CANX: variants seen among roughly 807,000 people sequenced by gnomAD.
CANX encodes the protein calnexin, also known as epididymis secretory sperm binding protein.
A neutral mutation model predicts 75.7 loss-of-function variants in CANX; 14 were observed. That is an observed-to-expected ratio of 0.19 (90% confidence interval 0.12 to 0.29). The LOEUF (loss-of-function observed/expected upper bound fraction) is 0.29, where lower values mean the gene tolerates loss of function less well. Ranked by LOEUF, CANX falls within the 10% of genes least tolerant of loss-of-function variation. CANX has a pLI of 1.00. For synonymous variants in CANX, 227 were observed against 236.9 expected (o/e 0.96, Z 0.38); for missense variants, 567 against 713.2 (o/e 0.79, Z 2.34).
chr5:179,714,868 G>A (rs1186579234), intron 7 of CANX, among the ~76,000 whole-genome samples: 2 of 151,682 alleles, frequency 1.3e-5, no homozygotes, highest in Non-Finnish European at 1.5e-5. Flanking sequence ...AGGTTCAAGC[G>A]ATTCTTGTGC....
chr5:179,698,856 C>G (rs372071727), upstream of CANX: 10 of 1,037,314 alleles, frequency 9.6e-6, no homozygotes, highest in East Asian at 1.5e-4. Flanking sequence ...GCCGGCCAAC[C>G]GGATGTCGGG....
At chr5:179,679,357 C>A in intron 1 of CANX, 1 of 1,105,404 alleles carries the variant, frequency 9.0e-7, no homozygotes, top group Non-Finnish European at 1.3e-6. Context: ...CCTGCAGCTA[C>A]GGCTGCGGCT....
chr5:179,707,330 A>G, intron 4 of CANX, 140 bp downstream of exon 4: 1 of 602,192 alleles, frequency 1.7e-6, no homozygotes, highest in Non-Finnish European at 3.0e-6. Context: ...CACGCCTGTA[A>G]TCCCAGCACT....
chr5:179,698,707 C>T (rs1776507893), upstream of CANX: 2 of 857,968 alleles, frequency 2.3e-6, no homozygotes, highest in African/African-American at 1.7e-5. Context: ...GCGCGCCCGG[C>T]GGTCTCGATC....
Position 179,731,378 on chromosome 5 carries a change from A to C in CANX, c.*2734A>C, listed in dbSNP as rs1581915416. 6.6e-6 allele frequency among the ~76,000 whole-genome samples: 1 copy of C among 152,118 alleles called. No individual in the cohort carries two copies. The highest frequency in any genetic ancestry group is 1.9e-4 in the East Asian group (1 of 5,202). On this transcript the variant is annotated 3_prime_UTR_variant, in exon 15 of 15. Transcript: ENST00000247461. ...ATGTGCTATTAAATTTTTAGATTACATACTAAAGAAAAGTATGTACACAGA... is the reference window on the plus strand; with the variant it reads ...ATGTGCTATTAAATTTTTAGATTACCTACTAAAGAAAAGTATGTACACAGA...
At chr5:179,680,891 C>T (rs1445313528) in intron 1 of CANX, 2 of 1,536,758 alleles carry the variant, frequency 1.3e-6, no homozygotes, top group South Asian at 1.2e-5. Context: ...AGATCTGGTT[C>T]AGGGAGATGG....
intron 1 of CANX, among the ~76,000 whole-genome samples, chr5:179,699,987 T>A (rs1776625091): frequency 6.6e-6 from 1 of 152,198 alleles, no homozygotes; most frequent in South Asian, 2.1e-4. Flanking sequence ...TTGTGAGGAT[T>A]AAATTAAGAT....
intron 1 of CANX, among the ~76,000 whole-genome samples, chr5:179,683,294 AT>A (rs1418463837): frequency 1.3e-5 from 2 of 151,412 alleles, no homozygotes; most frequent in Non-Finnish European, 2.9e-5. Flanking sequence ...TGCCTGGCTA[AT>A]TTTTTGTATT....
intron 4 of CANX, 115 bp from the exon 5 acceptor site, chr5:179,708,124 G>A (rs921336672): frequency 9.9e-6 from 8 of 810,718 alleles, no homozygotes; most frequent in Admixed American, 2.2e-5. Context: ...AGGTGTGAGC[G>A]ACCACGGCTG....
chr5:179,682,252 C>CA (rs57777599), intron 1 of CANX, among the ~76,000 whole-genome samples: 39,704 of 129,094 alleles, frequency 0.31, 5,837 homozygotes, highest in East Asian at 0.46. Context: ...AACTCCATCT[C>CA]AAAAAAAAAA....
chr5:179,685,247 C>T lies in CANX; in HGVS notation c.-4+6470C>T, dbSNP rs151024292. Among the ~76,000 whole-genome samples the T allele has an allele frequency of 7.5e-3, 1,143 of 151,792 alleles. 8 individuals carry two copies. Among genetic ancestry groups the T allele is most frequent in the Middle Eastern group, 0.048 (14 of 294 alleles). ...CTGAGTACTTGGGATTACAGGCACACGCCACCACATCTGGCTAATTTTTTT... is the reference window on the plus strand; with the variant it reads ...CTGAGTACTTGGGATTACAGGCACATGCCACCACATCTGGCTAATTTTTTT... On this transcript the variant is annotated intron_variant, in intron 1 of 14. Transcript: ENST00000681674.
intron 6 of CANX, among the ~76,000 whole-genome samples, chr5:179,709,426 AAG>A (rs1491139070): frequency 6.6e-5 from 10 of 152,160 alleles, no homozygotes; most frequent in Admixed American, 3.9e-4. Flanking sequence ...AAAAAAAAAA[AAG>A]AGAATTTTGT....
In CANX at chr5:179,716,185, C is replaced by A; in HGVS notation, c.802C>A (p.Pro268Thr). Residue 268 changes from proline to threonine, a missense_variant, in exon 8 of 15, where the codon CCT (proline) becomes ACT (threonine). By Grantham distance (38) the Pro-to-Thr change is conservative. Coordinates refer to ENST00000247461, the MANE Select transcript of CANX (RefSeq NM_001746.4). ...TGGAAATCTGCTCAATGACATGACT[C>A]CTCCTGTAAATCCTTCACGTGAAAT... The part of the protein sequence containing the change: ...NSGNLLNDMT[P>T]PVNPSREIED... 1.2e-6 allele frequency: 2 copies of A among 1,613,070 alleles called. No homozygotes were observed. Among genetic ancestry groups the A allele is most frequent in the South Asian group, 1.1e-5 (1 of 91,070 alleles).
chr5:179,722,856 A>C lies in CANX; in HGVS notation c.1235A>C (p.Glu412Ala), dbSNP rs766809881. ...AATCCAGATTTCTTTGAAGATCTGG[A>C]ACCTTTCAGAATGACTCCTTTTAGT... ...IPNPDFFEDL[E>A]PFRMTPFSAI... The change falls in exon 11 of 15, where the codon GAA becomes GCA. Residue 412 changes from glutamate to alanine, a missense_variant. Coordinates refer to ENST00000247461, the MANE Select transcript of CANX (RefSeq NM_001746.4). 13 of 1,614,038 alleles carry C rather than the reference A, an allele frequency of 8.1e-6. No homozygotes were observed. The South Asian group carries it at 1.4e-4, about 18-fold the overall frequency.
chr5:179,720,624 T>C, intron 10 of CANX, 64 bp downstream of exon 10: 1 of 1,482,644 alleles, frequency 6.7e-7, no homozygotes. Context: ...AGAAGTTTTA[T>C]CTAGAGTAAG....
chr5:179,679,025 C>G (rs752235289), intron 1 of CANX: 5 of 1,534,950 alleles, frequency 3.3e-6, no homozygotes, highest in Non-Finnish European at 4.4e-6. Context: ...GGGCATGCGG[C>G]GCAGTGGCGG....
chr5:179,711,181 C>T lies in CANX; in HGVS notation c.721+1116C>T, dbSNP rs184871085. Among the ~76,000 whole-genome samples the T allele has an allele frequency of 4.6e-5, 7 of 152,256 alleles. No homozygotes were observed. The East Asian group carries it at 5.8e-4, about 13-fold the overall frequency. On this transcript the variant is annotated intron_variant, in intron 7 of 14. Transcript: ENST00000247461. ...GCCCACACCTGTAATCCTAACACTTCGGGAGGCTGAATCGGATGGATTGCT... is the reference window on the plus strand; with the variant it reads ...GCCCACACCTGTAATCCTAACACTTTGGGAGGCTGAATCGGATGGATTGCT...
Position 179,679,190 on chromosome 5 carries a change from C to T in CANX, c.-4+413C>T, listed in dbSNP as rs748182786. 2.2e-5 allele frequency: 34 copies of T among 1,534,938 alleles called. No individual in the cohort carries two copies. The African/African-American group carries it at 3.8e-4, about 17-fold the overall frequency. On this transcript the variant is annotated intron_variant, in intron 1 of 14. Transcript: ENST00000681674. ...GGTGCTCGAAGGGGAGCCTCGGGAGCGCTGGCGACTCGTGCTGCGCTCTTG... is the reference window on the plus strand; with the variant it reads ...GGTGCTCGAAGGGGAGCCTCGGGAGTGCTGGCGACTCGTGCTGCGCTCTTG...
At position 179,730,146 on chromosome 5, in the gene CANX, T is replaced by A. The variant is rs1481902248; in HGVS notation, c.*1502T>A. 2.6e-5 allele frequency: 4 copies of A among 152,660 alleles called. No individual in the cohort carries two copies. Among genetic ancestry groups the A allele is most frequent in the African/African-American group, 9.6e-5 (4 of 41,468 alleles). 9.5% of individuals were successfully genotyped at this position (152,660 alleles called of 1,614,324 possible). A position where few individuals can be genotyped will look rare whatever the true frequency, so the allele number is the denominator to read the frequency against. On this transcript the variant is annotated 3_prime_UTR_variant, in exon 15 of 15. Transcript: ENST00000247461. The stretch of plus-strand genomic sequence containing the variant: ...AGTTAGATATTATTTTAGCTTCAGT[T>A]GTTCTTTAGAGGCTTTCAAATGTAC...
Sources: gnomAD v4.1 joint callset for allele counts (sites outside exome capture counted in the v4.1 genomes callset) on GRCh38, gnomAD v4.1.1 for gene constraint, MANE v1.5 for transcripts, NCBI Gene and HGNC (gene_info 2026-07-23, HGNC 2026-07-21) for gene names.